Variants in NRG1 observed in about 807,000 individuals in gnomAD.
NRG1 encodes the protein pro-neuregulin-1, membrane-bound isoform.
Under a neutral mutation model 63.8 loss-of-function variants are expected in NRG1, and 18 were observed. The ratio of observed to expected loss-of-function variants is 0.28; its 90% CI spans 0.19 to 0.42. The LOEUF (loss-of-function observed/expected upper bound fraction) is 0.42. Among genes scored for constraint, NRG1 ranks in the 10% least tolerant of loss-of-function variants. The probability of loss-of-function intolerance (pLI) is 1.00; values close to 1 mark genes in which losing one functional copy is unlikely to be tolerated. For synonymous variants in NRG1, 302 were observed against 301.3 expected, an observed-to-expected ratio of 1.00 and a Z score of -0.02; for missense variants, 762 against 814.7, an observed-to-expected ratio of 0.94 and a Z score of 0.79.
chr8:32,181,245 G>A (rs374874267), intron 1 of NRG1, among the ~76,000 whole-genome samples: 9 of 152,074 alleles, frequency 5.9e-5, no homozygotes, highest in African/African-American at 2.2e-4. Context: ...TTAGTCCTTT[G>A]TGCTTTGAAA....
intron 1 of NRG1, among the ~76,000 whole-genome samples, chr8:31,673,759 A>G (rs1161284472): frequency 6.6e-6 from 1 of 152,150 alleles, no homozygotes; most frequent in Admixed American, 6.6e-5. Context: ...CTTAATTTTC[A>G]TGGTGAGATT....
intron 1 of NRG1, among the ~76,000 whole-genome samples, chr8:31,686,929 G>A (rs1403643656): frequency 1.3e-5 from 2 of 151,890 alleles, no homozygotes; most frequent in Non-Finnish European, 2.9e-5. Flanking sequence ...CACTACACCT[G>A]GCTATTTTTT....
intron 1 of NRG1, among the ~76,000 whole-genome samples, chr8:32,439,812 C>A (rs1488475038): frequency 6.7e-6 from 1 of 150,046 alleles, no homozygotes; most frequent in East Asian, 2.0e-4. Context: ...ACTCTATGGC[C>A]CAGGCTGGAG....
chr8:31,762,626 A>T (rs13249835), intron 1 of NRG1, among the ~76,000 whole-genome samples: 113,343 of 151,984 alleles, frequency 0.75, 42,703 homozygotes, highest in East Asian at 0.99. Context: ...TTAAACTTTT[A>T]TTTTCTGTCT....
At chr8:31,974,276 C>G in intron 1 of NRG1, among the ~76,000 whole-genome samples, 1 of 152,098 alleles carries the variant, frequency 6.6e-6, no homozygotes, top group Middle Eastern at 3.2e-3. Context: ...AGTGGTCCTC[C>G]CACCTCAGCC....
chr8:31,830,911 C>A (rs956326562), intron 1 of NRG1, among the ~76,000 whole-genome samples: 2 of 152,120 alleles, frequency 1.3e-5, no homozygotes, highest in African/African-American at 4.8e-5. Flanking sequence ...TACCACCATC[C>A]ACTTTACAGC....
At chr8:31,688,527 A>G (rs568208813) in intron 1 of NRG1, among the ~76,000 whole-genome samples, 2 of 152,322 alleles carry the variant, frequency 1.3e-5, no homozygotes, top group East Asian at 3.9e-4. Flanking sequence ...GGACAAAGAC[A>G]ATTTAGAATT....
chr8:32,516,969 G>A (rs1335763712), intron 1 of NRG1, among the ~76,000 whole-genome samples: 1 of 120,402 alleles, frequency 8.3e-6, no homozygotes, highest in Non-Finnish European at 2.0e-5. Context: ...TACTTAGGGA[G>A]GGAAAAAAGA....
At chr8:32,216,168 G>A (rs6468089) in intron 1 of NRG1, among the ~76,000 whole-genome samples, 2,078 of 149,654 alleles carry the variant, frequency 0.014, 52 homozygotes, top group African/African-American at 0.047. Context: ...TCTAATTATC[G>A]TATACAGTTA....
chr8:32,050,679 T>C (rs1821839550), intron 1 of NRG1, among the ~76,000 whole-genome samples: 1 of 152,128 alleles, frequency 6.6e-6, no homozygotes, highest in South Asian at 2.1e-4. Flanking sequence ...TTCTCCTCCG[T>C]ACCCAAAGCT....
chr8:32,418,490 T>A (rs1453752591), intron 1 of NRG1, among the ~76,000 whole-genome samples: 1 of 152,058 alleles, frequency 6.6e-6, no homozygotes, highest in Non-Finnish European at 1.5e-5. Context: ...ACATTAAGTC[T>A]TTGAAATTTA....
chr8:32,637,933 T>G (rs2129545230), intron 5 of NRG1, among the ~76,000 whole-genome samples: 1 of 152,290 alleles, frequency 6.6e-6, no homozygotes, highest in South Asian at 2.1e-4. Context: ...AGAGTAAACT[T>G]TCAAGTAGAA....
At chr8:32,121,787 A>G (rs1833487869) in intron 1 of NRG1, among the ~76,000 whole-genome samples, 1 of 151,994 alleles carries the variant, frequency 6.6e-6, no homozygotes, top group African/African-American at 2.4e-5. Flanking sequence ...GGCCCCAGCA[A>G]TAGACCCCAG....
At chr8:32,140,345 C>T (rs1330565893) in intron 1 of NRG1, among the ~76,000 whole-genome samples, 1 of 152,078 alleles carries the variant, frequency 6.6e-6, no homozygotes. Flanking sequence ...AGTTTTTCTG[C>T]TCGATAATAT....
chr8:32,397,317 AATG>A (rs1296519782), intron 1 of NRG1, among the ~76,000 whole-genome samples: 1 of 152,146 alleles, frequency 6.6e-6, no homozygotes, highest in African/African-American at 2.4e-5. Flanking sequence ...TCATTTGTAA[AATG>A]AAAATAATAA....
At chr8:31,663,428 A>G (rs1425103715) in intron 1 of NRG1, among the ~76,000 whole-genome samples, 2 of 152,088 alleles carry the variant, frequency 1.3e-5, no homozygotes, top group East Asian at 1.9e-4. Flanking sequence ...CTGCCTCCAA[A>G]CCACCTGCAC....
intron 1 of NRG1, among the ~76,000 whole-genome samples, chr8:32,107,113 G>A (rs1831380755): frequency 6.6e-6 from 1 of 152,172 alleles, no homozygotes. Context: ...GTGCGTGCCT[G>A]TAATCCCAGC....
intron 1 of NRG1, among the ~76,000 whole-genome samples, chr8:32,212,817 T>C (rs116543477): frequency 0.02 from 3,063 of 152,260 alleles, 101 homozygotes; most frequent in African/African-American, 0.071. Context: ...ATTTGCTAAT[T>C]TTGGTTAGAG....
intron 1 of NRG1, among the ~76,000 whole-genome samples, chr8:32,162,258 A>G (rs1368383878): frequency 1.3e-5 from 2 of 152,222 alleles, no homozygotes; most frequent in Admixed American, 6.5e-5. Context: ...TTTATCTATC[A>G]TGATGGAATG....
Sources: gnomAD v4.1 joint callset for allele counts (sites outside exome capture counted in the v4.1 genomes callset) on GRCh38, gnomAD v4.1.1 for gene constraint, MANE v1.5 for transcripts, NCBI Gene and HGNC (gene_info 2026-07-23, HGNC 2026-07-21) for gene names.